Variants in FRMPD4 observed in about 807,000 individuals in gnomAD.
The protein encoded by FRMPD4 is FERM and PDZ domain containing 4.
A neutral mutation model predicts 94.1 loss-of-function variants in FRMPD4; 22 were observed. The observed-to-expected ratio is 0.23, with a 90% confidence interval of 0.17 to 0.33. FRMPD4 has a LOEUF of 0.33. FRMPD4 is among the 10% of genes least tolerant of loss of function. The pLI is 1.00. For synonymous variants in FRMPD4, 631 were observed against 548.6 expected (o/e 1.15, Z -2.10); for missense variants, 1,111 against 1,339.9 (o/e 0.83, Z 2.67).
At chrX:12,666,766 G>C (rs1302383937) in intron 4 of FRMPD4, among the ~76,000 whole-genome samples, 1 of 111,944 alleles carries the variant, frequency 8.9e-6, no homozygotes, top group Non-Finnish European at 1.9e-5. Flanking sequence ...CAGAATCTCT[G>C]AGACACAGCT....
At chrX:12,163,712 A>C in intron 1 of FRMPD4, among the ~76,000 whole-genome samples, 1 of 112,430 alleles carries the variant, frequency 8.9e-6, no homozygotes, top group Middle Eastern at 4.6e-3. Flanking sequence ...AAATACAATC[A>C]ATATTAATTA....
chrX:12,346,447 C>T (rs144075557), intron 1 of FRMPD4, among the ~76,000 whole-genome samples: 2,442 of 111,223 alleles, frequency 0.022, 65 homozygotes, highest in African/African-American at 0.075. Flanking sequence ...TCAGTCATTC[C>T]TGCTGAAACC....
At position 12,114,101 on chromosome X, in the gene FRMPD4, T is replaced by C. The variant is rs183209008; in HGVS notation, c.95+236083T>C. Among the ~76,000 whole-genome samples the C allele has an allele frequency of 4.8e-3, 537 of 112,042 alleles. 1 individual carries two copies. The highest frequency in any genetic ancestry group is 7.1e-3 in the Admixed American group (75 of 10,557). ...CAACTGGGAATTTTCTTTCACATAT[T>C]CTTGTTCTCAGTCAAGTTCACCTTT... On this transcript the variant is annotated intron_variant, in intron 3 of 18. Coordinates refer to the FRMPD4 transcript ENST00000640291.
intron 1 of FRMPD4, among the ~76,000 whole-genome samples, chrX:12,381,867 C>T (rs2056322984): frequency 9.0e-6 from 1 of 111,589 alleles, no homozygotes; most frequent in African/African-American, 3.3e-5. Context: ...CATGTGCTGC[C>T]TCTGAATCTG....
chrX:12,108,446 C>T (rs186718608), intron 3 of FRMPD4, among the ~76,000 whole-genome samples: 1 of 112,245 alleles, frequency 8.9e-6, no homozygotes, highest in African/African-American at 3.2e-5. Flanking sequence ...AAAGGAACAA[C>T]CAGTACCAGC....
At chrX:12,718,851 A>G (rs977778644) in intron 16 of FRMPD4, 61 bp downstream of exon 16, 2 of 726,081 alleles carry the variant, frequency 2.8e-6, no homozygotes, top group Admixed American at 2.9e-5. Context: ...AACCATATTT[A>G]CAACAAACTT....
At chrX:12,672,397 A>G (rs1484723113) in intron 4 of FRMPD4, among the ~76,000 whole-genome samples, 2 of 112,187 alleles carry the variant, frequency 1.8e-5, no homozygotes, top group Non-Finnish European at 3.8e-5. Context: ...AGGAGGTCCC[A>G]GGCCAATGTT....
chrX:12,152,994 C>A (rs138408580), intron 1 of FRMPD4, among the ~76,000 whole-genome samples: 25,555 of 99,959 alleles, frequency 0.26, 2,908 homozygotes, highest in Non-Finnish European at 0.34. Flanking sequence ...ACTGCAGTGG[C>A]GCAATCTCGG....
At chrX:12,644,060 G>A (rs1266623193) in intron 4 of FRMPD4, among the ~76,000 whole-genome samples, 1 of 111,421 alleles carries the variant, frequency 9.0e-6, no homozygotes, top group African/African-American at 3.3e-5. Flanking sequence ...CTAATTTTGA[G>A]CTCATCTTTT....
chrX:11,872,344 G>A (rs867750513), intron 2 of FRMPD4, among the ~76,000 whole-genome samples: 9 of 112,218 alleles, frequency 8.0e-5, no homozygotes, highest in African/African-American at 2.9e-4. Context: ...GAGAGAAAGA[G>A]TTTGGGCGGA....
chrX:12,030,616 G>A lies in FRMPD4; in HGVS notation c.95+152598G>A, dbSNP rs895392166. Among the ~76,000 whole-genome samples, 10 of 112,156 alleles carry A rather than the reference G, an allele frequency of 8.9e-5. 1 individual carries two copies. Among genetic ancestry groups the A allele is most frequent in the South Asian group, 3.7e-4 (1 of 2,696 alleles). ...AGGCATCTAACAATTTATTTGTTAC[G>A]AGAGGAACCTGAACCATGCTAAGAC... On this transcript the variant is annotated intron_variant, in intron 3 of 18. Coordinates refer to the FRMPD4 transcript ENST00000640291.
At chrX:12,367,736 A>T (rs1388090582) in intron 1 of FRMPD4, among the ~76,000 whole-genome samples, 1 of 111,693 alleles carries the variant, frequency 9.0e-6, no homozygotes, top group Non-Finnish European at 1.9e-5. Context: ...AAGGTGAAGG[A>T]GATGATGTCA....
At chrX:12,166,520 G>A (rs1309060960) in intron 1 of FRMPD4, among the ~76,000 whole-genome samples, 3 of 110,993 alleles carry the variant, frequency 2.7e-5, no homozygotes, top group African/African-American at 9.8e-5. Flanking sequence ...CTCTTTTTTT[G>A]TTGTGTCTCT....
chrX:12,227,080 A>AT (rs890429488), intron 1 of FRMPD4, among the ~76,000 whole-genome samples: 8 of 111,542 alleles, frequency 7.2e-5, no homozygotes, highest in Non-Finnish European at 1.3e-4. Context: ...GATATTTTAA[A>AT]TTTTTTTATT....
At chrX:12,160,068 G>GGTGTGTGTGTGTGTGTGTGT (rs757966489) in intron 1 of FRMPD4, among the ~76,000 whole-genome samples, 3 of 100,050 alleles carry the variant, frequency 3.0e-5, no homozygotes, top group African/African-American at 1.1e-4. Flanking sequence ...GATGTTGAGG[G>GGTGTGTGTGTGTGTGTGTGT]GTGTGTGTGT....
At chrX:12,251,026 G>T (rs2054031868) in intron 1 of FRMPD4, among the ~76,000 whole-genome samples, 1 of 112,288 alleles carries the variant, frequency 8.9e-6, no homozygotes, top group Admixed American at 9.4e-5. Flanking sequence ...CGCCAGGAAA[G>T]GAATAATAAT....
At chrX:12,315,624 A>G (rs1333451018) in intron 1 of FRMPD4, among the ~76,000 whole-genome samples, 2 of 112,231 alleles carry the variant, frequency 1.8e-5, no homozygotes, top group Admixed American at 1.9e-4. Flanking sequence ...AGTAGGCAAG[A>G]CACATCAATG....
At chrX:12,674,266 AG>A (rs1336529491) in intron 4 of FRMPD4, among the ~76,000 whole-genome samples, 2 of 111,898 alleles carry the variant, frequency 1.8e-5, no homozygotes, top group Non-Finnish European at 3.8e-5. Context: ...TTATCAGCCC[AG>A]GGTCCTAGCA....
intron 3 of FRMPD4, among the ~76,000 whole-genome samples, chrX:12,082,732 TG>T (rs774402407): frequency 5.5e-4 from 61 of 111,380 alleles, no homozygotes; most frequent in Admixed American, 1.6e-3. Flanking sequence ...CAGGATGAGG[TG>T]GTCTCAGATG....
Sources: allele counts gnomAD v4.1 joint callset (sites outside exome capture counted in the v4.1 genomes callset), GRCh38; gene constraint gnomAD v4.1.1; transcripts MANE v1.5; gene names NCBI Gene and HGNC (gene_info 2026-07-23, HGNC 2026-07-21).